The following BIK variants were observed in gnomAD, a reference collection of about 807,000 sequenced individuals.
BIK encodes bcl-2-interacting killer.
A neutral mutation model predicts 12.1 loss-of-function variants in BIK; 14 were observed. The observed-to-expected ratio is 1.16, with a 90% CI of 0.77 to 1.81. The LOEUF (loss-of-function observed/expected upper bound fraction) is 1.81. Ranked by LOEUF, BIK falls within the 40% of genes most tolerant of loss-of-function variation. The pLI is 0.00. For missense variants in BIK, 215 were observed against 207.9 expected, an observed-to-expected ratio of 1.03 and a Z score of -0.21; for synonymous variants, 86 against 92.3, an observed-to-expected ratio of 0.93 and a Z score of 0.39.
Position 43,117,849 on chromosome 22 carries a change from C to A in BIK, c.-7-6167C>A, listed in dbSNP as rs945078591. Among the ~76,000 whole-genome samples the A allele has an allele frequency of 2.0e-5, 3 of 151,266 alleles. No individual in the cohort carries two copies. The East Asian group carries it at 5.8e-4, about 29-fold the overall frequency. ...CACACCTGGCTAATTTTTTTTGAAA[C>A]GGGGTAGAGACGGAGTTTTATTACC... On this transcript the variant is annotated intron_variant, in intron 1 of 4. Coordinates refer to ENST00000216115, the MANE Select transcript of BIK (RefSeq NM_001197.5).
chr22:43,127,807 A>T lies in BIK; in HGVS notation c.260+12A>T. 1 of 1,544,116 alleles carries T rather than the reference A, an allele frequency of 6.5e-7. No individual in the cohort carries two copies. The highest frequency in any genetic ancestry group is 8.8e-7 in the Non-Finnish European group (1 of 1,142,428). On this transcript the variant is annotated intron_variant, in intron 3 of 4. Transcript: ENST00000216115. ...GTGGCCATGCACAGGTAGCCGGCCT[A>T]TGCCCTATGCCTCTACACCTGGGGA...
Position 43,129,598 on chromosome 22 carries a change from G to T in BIK, c.*293G>T. ...ACTCCTGCCCCTGCCCACACGGCAGGTAGCAGGGGGAGTGCTGGTCACACC... is the reference window on the plus strand; with the variant it reads ...ACTCCTGCCCCTGCCCACACGGCAGTTAGCAGGGGGAGTGCTGGTCACACC... On this transcript the variant is annotated 3_prime_UTR_variant, in exon 5 of 5. Coordinates refer to ENST00000216115, the MANE Select transcript of BIK (RefSeq NM_001197.5). 1 of 486,552 alleles carries T rather than the reference G, an allele frequency of 2.1e-6. No homozygotes were observed. The highest frequency in any genetic ancestry group is 2.6e-5 in the South Asian group (1 of 38,926). 30.1% of individuals were successfully genotyped at this position (486,552 alleles called of 1,614,324 possible). A position where few individuals can be genotyped will look rare whatever the true frequency, so the allele number is the denominator to read the frequency against.
Position 43,112,550 on chromosome 22 carries a change from C to T in BIK, c.-8+1747C>T, listed in dbSNP as rs140202376. On this transcript the variant is annotated intron_variant, in intron 1 of 4. Coordinates refer to ENST00000216115, the MANE Select transcript of BIK (RefSeq NM_001197.5). ...CCTCCCAAGGTGCTGGGATTACAGA[C>T]GTGAGCCCCTATGCCTGGCCCTTTT... 2.3e-4 allele frequency among the ~76,000 whole-genome samples: 35 copies of T among 151,300 alleles called. 1 individual carries two copies. In the East Asian group the frequency reaches 5.1e-3, roughly 22 times the overall value.
intron 1 of BIK, among the ~76,000 whole-genome samples, chr22:43,112,969 C>T (rs913409376): frequency 5.3e-5 from 8 of 151,362 alleles, no homozygotes; most frequent in African/African-American, 1.2e-4. Context: ...TTTGGGAGGC[C>T]GAGGGAGATG....
intron 1 of BIK, among the ~76,000 whole-genome samples, chr22:43,111,453 G>T (rs1408732548): frequency 6.6e-6 from 1 of 152,168 alleles, no homozygotes; most frequent in African/African-American, 2.4e-5. Context: ...ACTAGAGCCC[G>T]GCTGGGGCAT....
chr22:43,124,718 CCT>C (rs1027576465), intron 2 of BIK, among the ~76,000 whole-genome samples: 1 of 152,126 alleles, frequency 6.6e-6, no homozygotes, highest in Admixed American at 6.5e-5. Context: ...ATGGCAAAAC[CCT>C]GTCTCTACTA....
Position 43,123,922 on chromosome 22 carries a change from A to G in BIK, c.-7-94A>G, listed in dbSNP as rs1469074663. 3 of 1,347,006 alleles carry G rather than the reference A, an allele frequency of 2.2e-6. No individual in the cohort carries two copies. The African/African-American group carries it at 4.4e-5, about 20-fold the overall frequency. The allele number at this position is 1,347,006 out of a possible 1,614,324, so 83.4% of individuals were successfully genotyped here. A position where few individuals can be genotyped will look rare whatever the true frequency, so the allele number is the denominator to read the frequency against. On this transcript the variant is annotated intron_variant, in intron 1 of 4. Coordinates refer to ENST00000216115, the MANE Select transcript of BIK (RefSeq NM_001197.5). ...CTTTAGCGGATCAAAAGAGCTGGTG[A>G]GTAGGGCTATACAATCTGGGGGTCA... is the stretch of plus-strand genomic sequence containing the variant.
At chr22:43,127,252 C>A (rs1429491856) in intron 2 of BIK, among the ~76,000 whole-genome samples, 1 of 152,110 alleles carries the variant, frequency 6.6e-6, no homozygotes, top group African/African-American at 2.4e-5. Flanking sequence ...AGCCCCCTCA[C>A]CTCCCACAAA....
intron 1 of BIK, among the ~76,000 whole-genome samples, chr22:43,115,421 G>T (rs1930091861): frequency 6.6e-6 from 1 of 152,124 alleles, no homozygotes; most frequent in African/African-American, 2.4e-5. Flanking sequence ...CGGGGCCAGG[G>T]TGAGCAGTCT....
chr22:43,115,526 G>A (rs1386376714), intron 1 of BIK, among the ~76,000 whole-genome samples: 2 of 151,994 alleles, frequency 1.3e-5, no homozygotes, highest in African/African-American at 4.8e-5. Context: ...GCAGTGGCGC[G>A]ATCTCGGCTC....
intron 1 of BIK, among the ~76,000 whole-genome samples, chr22:43,114,587 C>T (rs1177176924): frequency 6.6e-6 from 1 of 152,206 alleles, no homozygotes; most frequent in Non-Finnish European, 1.5e-5. Context: ...AGGTGCGAGC[C>T]ACCGTGCCTG....
At chr22:43,122,208 C>T (rs1007060182) in intron 1 of BIK, among the ~76,000 whole-genome samples, 7 of 152,108 alleles carry the variant, frequency 4.6e-5, no homozygotes, top group African/African-American at 1.4e-4. Flanking sequence ...CCTCAGTGTC[C>T]TGTGTGAACA....
At chr22:43,127,873 G>C in intron 3 of BIK, 78 bp downstream of exon 3, 2 of 1,370,814 alleles carry the variant, frequency 1.5e-6, no homozygotes, top group Non-Finnish European at 2.0e-6. Context: ...ACACAGCACA[G>C]GGCTGGGCCC....
Position 43,127,751 on chromosome 22 carries a change from CAG to C in BIK, c.217_218del (p.Arg73GlyfsTer25). On this transcript the variant is annotated frameshift_variant, in exon 3 of 5. Coordinates refer to ENST00000216115, the MANE Select transcript of BIK (RefSeq NM_001197.5). LOFTEE classifies it high-confidence loss of function. ...CIGDEMDVSL[R>X]APRLAQLSEV... Reference sequence around the variant, plus strand: ...TCGGGGACGAGATGGACGTGAGCCTCAGGGCCCCGCGCCTGGCCCAGCTCTCC... The same window carrying C: ...TCGGGGACGAGATGGACGTGAGCCTCGGCCCCGCGCCTGGCCCAGCTCTCC... 1 of 1,552,900 alleles carries C rather than the reference CAG, an allele frequency of 6.4e-7. No homozygotes were observed. Among genetic ancestry groups the C allele is most frequent in the South Asian group, 1.2e-5 (1 of 84,242 alleles).
chr22:43,111,565 G>A (rs13055520), intron 1 of BIK, among the ~76,000 whole-genome samples: 14 of 152,328 alleles, frequency 9.2e-5, no homozygotes, highest in Admixed American at 9.1e-4. Context: ...GGGGTTCGGA[G>A]CTGGTCGTCG....
chr22:43,120,017 G>A (rs987457809), intron 1 of BIK, among the ~76,000 whole-genome samples: 10 of 150,274 alleles, frequency 6.7e-5, no homozygotes, highest in Non-Finnish European at 1.5e-4. Context: ...ACCAATAGGC[G>A]TAGGCATGGG....
intron 3 of BIK, 150 bp from the exon 4 acceptor site, chr22:43,128,346 G>A (rs1930362888): frequency 5.3e-6 from 5 of 942,868 alleles, no homozygotes; most frequent in East Asian, 2.5e-5. Flanking sequence ...CCTGCAGGTG[G>A]AGGCGCCCAC....
intron 2 of BIK, 76 bp downstream of exon 2, chr22:43,124,259 G>A: frequency 6.6e-7 from 1 of 1,522,264 alleles, no homozygotes; most frequent in Non-Finnish European, 8.9e-7. Flanking sequence ...GACATTCTAT[G>A]AGCGGGGGAG....
At chr22:43,111,423 G>C (rs1930009151) in intron 1 of BIK, among the ~76,000 whole-genome samples, 2 of 152,206 alleles carry the variant, frequency 1.3e-5, no homozygotes, top group African/African-American at 4.8e-5. Flanking sequence ...CTGCACAGGT[G>C]CGCCCCAGAC....
Sources: allele counts gnomAD v4.1 joint callset (sites outside exome capture counted in the v4.1 genomes callset), GRCh38; gene constraint gnomAD v4.1.1; transcripts MANE v1.5; gene names NCBI Gene and HGNC (gene_info 2026-07-23, HGNC 2026-07-21).